Variants in AGBL4 observed in about 807,000 individuals in gnomAD.
AGBL4 encodes cytosolic carboxypeptidase 6.
AGBL4 carries 58 observed loss-of-function variants against 66.4 expected under a neutral mutation model. That is an observed-to-expected ratio of 0.87 (90% CI 0.71 to 1.09). AGBL4 has a LOEUF of 1.09. Ranked by LOEUF, AGBL4 falls within the 50% of genes least tolerant of loss-of-function variation. The pLI is 0.00. For missense variants in AGBL4, 579 were observed against 631.0 expected (o/e 0.92, Z 0.88); for synonymous variants, 234 against 222.9 (o/e 1.05, Z -0.44).
chr1:49,332,551 GT>G (rs1645355858), intron 3 of AGBL4, among the ~76,000 whole-genome samples: 1 of 152,092 alleles, frequency 6.6e-6, no homozygotes. Context: ...CCTGTATATT[GT>G]TGCCAAGGAT....
At chr1:49,423,296 G>C (rs1481317475) in intron 3 of AGBL4, among the ~76,000 whole-genome samples, 2 of 152,128 alleles carry the variant, frequency 1.3e-5, no homozygotes, top group African/African-American at 4.8e-5. Flanking sequence ...ATTCATCTCT[G>C]TTTCTACAAT....
At chr1:49,993,190 A>G (rs1035158397) in intron 1 of AGBL4, among the ~76,000 whole-genome samples, 4 of 152,224 alleles carry the variant, frequency 2.6e-5, no homozygotes, top group African/African-American at 9.6e-5. Context: ...CCAAAATACA[A>G]TAAGATTAAT....
chr1:48,736,505 G>T lies in AGBL4; in HGVS notation c.635-73264C>A. 1.3e-6 allele frequency: 2 copies of T among 1,497,558 alleles called. No individual in the cohort carries two copies. Among genetic ancestry groups the T allele is most frequent in the East Asian group, 4.5e-5 (2 of 44,192 alleles). The allele number at this position is 1,497,558 out of a possible 1,614,324, so 92.8% of individuals were successfully genotyped here. A position where few individuals can be genotyped will look rare whatever the true frequency, so the allele number is the denominator to read the frequency against. On this transcript the variant is annotated intron_variant, in intron 6 of 13. Coordinates refer to ENST00000371839, the MANE Select transcript of AGBL4 (RefSeq NM_032785.4). This position sits in a 1 kb window ranked among gnomAD's most constrained non-coding sequence, Gnocchi z 4.0. ...GTTTAGTCCGACAGGAGGGCAGTGG[G>T]AGGCTTCTCTTGTCCTTTAAAAAGC...
chr1:49,547,121 A>G (rs910593817), intron 3 of AGBL4, among the ~76,000 whole-genome samples: 1 of 152,036 alleles, frequency 6.6e-6, no homozygotes, highest in Non-Finnish European at 1.5e-5. Flanking sequence ...ATCCTCTATA[A>G]TTTTCATAGT....
chr1:49,051,884 T>G (rs1240940946), intron 4 of AGBL4, among the ~76,000 whole-genome samples: 4 of 152,076 alleles, frequency 2.6e-5, no homozygotes, highest in Non-Finnish European at 5.9e-5. Context: ...AGGCAACACA[T>G]TTTTACACCC....
chr1:49,737,624 A>G (rs1650005604), intron 2 of AGBL4, among the ~76,000 whole-genome samples: 1 of 152,152 alleles, frequency 6.6e-6, no homozygotes, highest in South Asian at 2.1e-4. Flanking sequence ...TTCAAACTTC[A>G]GCACCATACA....
At chr1:49,882,690 G>C (rs1222748182) in intron 1 of AGBL4, among the ~76,000 whole-genome samples, 3 of 152,104 alleles carry the variant, frequency 2.0e-5, no homozygotes, top group Non-Finnish European at 2.9e-5. Context: ...CTCTCTGTTT[G>C]TCTGTTATTG....
chr1:49,446,073 A>G (rs192393049), intron 3 of AGBL4, among the ~76,000 whole-genome samples: 2 of 152,170 alleles, frequency 1.3e-5, no homozygotes, highest in Non-Finnish European at 2.9e-5. Flanking sequence ...GCTGGTCTTA[A>G]ACTCCTGACC....
At chr1:49,785,555 C>T (rs1644431788) in intron 2 of AGBL4, among the ~76,000 whole-genome samples, 1 of 151,928 alleles carries the variant, frequency 6.6e-6, no homozygotes, top group South Asian at 2.1e-4. Flanking sequence ...CACTCCACAA[C>T]TATGGTATTA....
chr1:49,504,057 C>T lies in AGBL4; in HGVS notation c.282+193256G>A, dbSNP rs1272191240. Among the ~76,000 whole-genome samples the T allele has an allele frequency of 6.6e-5, 10 of 152,068 alleles. No homozygotes were observed. The East Asian group carries it at 1.9e-3, about 29-fold the overall frequency. The stretch of plus-strand genomic sequence containing the variant: ...TGAATTGTAATTCTCATAATCCCCA[C>T]AAATCAAGGGTGGGACAAGGTGGAG... On this transcript the variant is annotated intron_variant, in intron 3 of 13. Transcript: ENST00000371839.
chr1:48,612,342 T>C (rs990496333), intron 9 of AGBL4, among the ~76,000 whole-genome samples: 1 of 152,178 alleles, frequency 6.6e-6, no homozygotes, highest in Admixed American at 6.5e-5. Flanking sequence ...TTCAGAGTGA[T>C]TGATCAGTAA....
At chr1:48,863,259 G>T (rs907652888) in intron 6 of AGBL4, among the ~76,000 whole-genome samples, 1 of 151,902 alleles carries the variant, frequency 6.6e-6, no homozygotes, top group Non-Finnish European at 1.5e-5. Context: ...AACCAGTTAA[G>T]GTTAGAAATA....
chr1:49,095,495 A>G (rs1408731458), intron 4 of AGBL4, among the ~76,000 whole-genome samples: 1 of 152,224 alleles, frequency 6.6e-6, no homozygotes, highest in African/African-American at 2.4e-5. Context: ...AGATAGATAT[A>G]GACCAATGGA....
intron 2 of AGBL4, among the ~76,000 whole-genome samples, chr1:49,820,109 G>C (rs1298284830): frequency 6.6e-6 from 1 of 152,140 alleles, no homozygotes; most frequent in Non-Finnish European, 1.5e-5. Flanking sequence ...AGGGTGTCAT[G>C]GTACCCAGAC....
At chr1:49,939,150 G>A (rs571454626) in intron 1 of AGBL4, among the ~76,000 whole-genome samples, 2 of 152,140 alleles carry the variant, frequency 1.3e-5, no homozygotes, top group South Asian at 2.1e-4. Flanking sequence ...TACAACGGAC[G>A]TGAAGGACCT....
intron 3 of AGBL4, among the ~76,000 whole-genome samples, chr1:49,673,406 A>G (rs939067454): frequency 6.6e-6 from 1 of 152,188 alleles, no homozygotes; most frequent in Non-Finnish European, 1.5e-5. Context: ...TAGGGTGACT[A>G]TAGTCAACAA....
chr1:49,530,282 A>AAAAAC (rs1558025489), intron 3 of AGBL4, among the ~76,000 whole-genome samples: 1 of 145,416 alleles, frequency 6.9e-6, no homozygotes, highest in Non-Finnish European at 1.5e-5. Flanking sequence ...ACAAAAAAAA[A>AAAAAC]CTCTATGAGT....
chr1:49,225,362 C>T (rs1649834628), intron 4 of AGBL4, among the ~76,000 whole-genome samples: 1 of 152,170 alleles, frequency 6.6e-6, no homozygotes, highest in African/African-American at 2.4e-5. Flanking sequence ...ATGCTCTGCT[C>T]AATATCTCAT....
At chr1:48,586,228 C>T (rs902791241) in intron 11 of AGBL4, 1 of 152,124 alleles carries the variant, frequency 6.6e-6, no homozygotes, top group Non-Finnish European at 1.5e-5. Flanking sequence ...CTAATTTCAT[C>T]ATGGAAGGCT....
Sources: gnomAD v4.1 joint callset for allele counts (sites outside exome capture counted in the v4.1 genomes callset) on GRCh38, gnomAD v4.1.1 for gene constraint, Gnocchi (gnomAD v3.1) non-coding constraint, MANE v1.5 for transcripts, NCBI Gene and HGNC (gene_info 2026-07-23, HGNC 2026-07-21) for gene names.